Variants in SSH1 observed in about 807,000 individuals in gnomAD.
SSH1 encodes the protein slingshot protein phosphatase 1.
Under a neutral mutation model 79.7 loss-of-function variants are expected in SSH1, and 43 were observed. The observed-to-expected ratio is 0.54, with a 90% CI of 0.42 to 0.70. The LOEUF (loss-of-function observed/expected upper bound fraction) is 0.70. Ranked by LOEUF, SSH1 falls within the 30% of genes least tolerant of loss-of-function variation. SSH1 has a pLI of 0.00. For missense variants in SSH1, 1,206 were observed against 1,358.8 expected (o/e 0.89, Z 1.77); for synonymous variants, 599 against 538.3 (o/e 1.11, Z -1.56).
intron 11 of SSH1, among the ~76,000 whole-genome samples, chr12:108,801,329 C>T (rs1158462103): frequency 1.3e-5 from 2 of 152,124 alleles, no homozygotes; most frequent in African/African-American, 2.4e-5. Context: ...TTATCTATAT[C>T]CTTGGGAACT....
intron 1 of SSH1, among the ~76,000 whole-genome samples, chr12:108,855,574 G>A (rs937918526): frequency 6.6e-6 from 1 of 152,228 alleles, no homozygotes; most frequent in African/African-American, 2.4e-5. Context: ...GGAACATGGG[G>A]TTTTGAATCA....
intron 7 of SSH1, 97 bp downstream of exon 7, chr12:108,809,596 T>A: frequency 9.8e-7 from 1 of 1,019,580 alleles, no homozygotes. Context: ...AACATGCACA[T>A]ACGTAACGAG....
intron 2 of SSH1, chr12:108,834,425 G>A (rs2038549010): frequency 6.6e-6 from 1 of 152,276 alleles, no homozygotes; most frequent in African/African-American, 2.4e-5. Context: ...AGGACACTGA[G>A]GCTTAAGGGT....
Position 108,786,453 on chromosome 12 carries a change from C to G in SSH1, c.*1535G>C, listed in dbSNP as rs922029765. The G allele has an allele frequency of 3.9e-5, 6 of 152,274 alleles. No homozygotes were observed. Among genetic ancestry groups the G allele is most frequent in the Non-Finnish European group, 8.8e-5 (6 of 68,080 alleles). 9.4% of individuals were successfully genotyped at this position (152,274 alleles called of 1,614,324 possible). ...CAGTTTCTTCCTACAGGGCCATGAG[C>G]AGCCCTGTGTGGCAAATCAAACCAG... On this transcript the variant is annotated 3_prime_UTR_variant, in exon 15 of 15. Transcript: ENST00000326495.
intron 2 of SSH1, chr12:108,826,386 T>C (rs1247258083): frequency 6.3e-6 from 2 of 316,922 alleles, no homozygotes; most frequent in Non-Finnish European, 1.2e-5. Flanking sequence ...CCCACGACAA[T>C]CAAGTAACAG....
intron 6 of SSH1, among the ~76,000 whole-genome samples, chr12:108,810,194 A>G (rs2037508782): frequency 6.6e-6 from 1 of 151,094 alleles, no homozygotes; most frequent in Admixed American, 6.6e-5. Flanking sequence ...ATTAATATAA[A>G]TATGTTAATA....
At chr12:108,826,773 G>C (rs561891695) in intron 2 of SSH1, among the ~76,000 whole-genome samples, 1 of 152,256 alleles carries the variant, frequency 6.6e-6, no homozygotes, top group African/African-American at 2.4e-5. Context: ...GTCCCACTGG[G>C]GAAGTCCATG....
chr12:108,839,514 T>C (rs745614428), intron 2 of SSH1, among the ~76,000 whole-genome samples: 4 of 152,024 alleles, frequency 2.6e-5, no homozygotes, highest in Non-Finnish European at 5.9e-5. Flanking sequence ...GGGGCCCAGA[T>C]TTGGGGAAAC....
At chr12:108,811,432 G>C in intron 5 of SSH1, 104 bp from the exon 6 acceptor site, 1 of 971,444 alleles carries the variant, frequency 1.0e-6, no homozygotes, top group Non-Finnish European at 1.7e-6. Flanking sequence ...GGACGTACGT[G>C]TGGGAGTAGG....
chr12:108,793,754 A>G (rs1429951246), intron 13 of SSH1, among the ~76,000 whole-genome samples: 1 of 152,224 alleles, frequency 6.6e-6, no homozygotes, highest in Non-Finnish European at 1.5e-5. Context: ...AAATAAGGTA[A>G]CTAAGTCACC....
At chr12:108,792,900 G>A (rs1046720975) in intron 13 of SSH1, 71 bp from the exon 14 acceptor site, 7 of 1,594,188 alleles carry the variant, frequency 4.4e-6, no homozygotes, top group Admixed American at 1.7e-5. Context: ...AAGAGTATGC[G>A]GTGAGCCAGT....
chr12:108,851,372 G>T (rs1183099502), intron 2 of SSH1, among the ~76,000 whole-genome samples: 1 of 152,192 alleles, frequency 6.6e-6, no homozygotes, highest in Admixed American at 6.5e-5. Flanking sequence ...CCTGCTGTCG[G>T]TAATGAATGG....
chr12:108,856,216 G>A (rs2039140620), intron 1 of SSH1, among the ~76,000 whole-genome samples: 2 of 152,204 alleles, frequency 1.3e-5, no homozygotes, highest in African/African-American at 2.4e-5. Context: ...GGCCTTGACG[G>A]GTTCTTCAAG....
In SSH1 at chr12:108,799,011, G is replaced by C; in HGVS notation, c.1338C>G (p.Ile446Met). The change falls in exon 13 of 15, where the codon ATC becomes ATG. Residue 446 changes from isoleucine to methionine, a missense_variant. Physicochemically the swap from Ile to Met is conservative, Grantham distance 10. Around this residue, in one of 5 missense-constraint regions of SSH1, gnomAD observed 166 missense variants for 262.9 expected, o/e 0.63. Coordinates refer to ENST00000326495, the MANE Select transcript of SSH1 (RefSeq NM_018984.4). ...AGGCAGGCACCCACCTTGCATCCAA[G>C]ATGCCTTCATACTCAGACAGCTGCC... ...FMRQLSEYEG[I>M]LDASKQRHNK... 1 of 1,613,270 alleles carries C rather than the reference G, an allele frequency of 6.2e-7. No homozygotes were observed. The highest frequency in any genetic ancestry group is 1.7e-5 in the Admixed American group (1 of 60,032).
At chr12:108,828,055 G>A (rs568215974) in intron 2 of SSH1, among the ~76,000 whole-genome samples, 3 of 152,146 alleles carry the variant, frequency 2.0e-5, no homozygotes, top group African/African-American at 7.2e-5. Context: ...TGTTTTTAGC[G>A]TTTCTTTCAG....
chr12:108,803,625 A>G (rs1275527397), intron 10 of SSH1, among the ~76,000 whole-genome samples: 2 of 152,184 alleles, frequency 1.3e-5, no homozygotes, highest in African/African-American at 4.8e-5. Context: ...AAAGTGACAT[A>G]AAGCACTGAA....
At chr12:108,823,414 G>T (rs1180502540) in intron 2 of SSH1, 53 bp from the exon 3 acceptor site, 39 of 1,450,918 alleles carry the variant, frequency 2.7e-5, no homozygotes, top group Non-Finnish European at 3.5e-5. Context: ...ACAGGAAAAT[G>T]GACAAAGAAT....
At chr12:108,822,570 C>T (rs1400943413) in intron 3 of SSH1, among the ~76,000 whole-genome samples, 1 of 152,172 alleles carries the variant, frequency 6.6e-6, no homozygotes, top group Admixed American at 6.5e-5. Context: ...ACTCAGCCTC[C>T]CAAAGCACTG....
At chr12:108,801,824 A>G (rs1006778108) in intron 11 of SSH1, among the ~76,000 whole-genome samples, 1 of 152,008 alleles carries the variant, frequency 6.6e-6, no homozygotes, top group Non-Finnish European at 1.5e-5. Flanking sequence ...TTGTCAGACT[A>G]CGACAGGCAT....
Sources: allele counts gnomAD v4.1 joint callset (sites outside exome capture counted in the v4.1 genomes callset), GRCh38; gene constraint gnomAD v4.1.1; regional missense constraint gnomAD v4.1.1; transcripts MANE v1.5; gene names NCBI Gene and HGNC (gene_info 2026-07-23, HGNC 2026-07-21).